Variants in MAP7 observed in about 807,000 individuals in gnomAD.
MAP7 encodes microtubule associated protein 7.
MAP7 carries 52 observed loss-of-function variants against 94.8 expected under a neutral mutation model. The observed-to-expected ratio is 0.55, with a 90% confidence interval of 0.44 to 0.69. MAP7 has a LOEUF of 0.69. Ranked by LOEUF, MAP7 falls within the 30% of genes least tolerant of loss-of-function variation. The probability of loss-of-function intolerance (pLI) is 0.00; values close to 1 mark genes in which losing one functional copy is unlikely to be tolerated. For missense variants in MAP7, 940 were observed against 964.6 expected (o/e 0.97, Z 0.34); for synonymous variants, 350 against 357.0 (o/e 0.98, Z 0.22).
intron 1 of MAP7, among the ~76,000 whole-genome samples, chr6:136,451,069 G>T (rs548637590): frequency 1.3e-5 from 2 of 152,296 alleles, no homozygotes; most frequent in South Asian, 4.1e-4. Context: ...TTGTAAAGGT[G>T]TCTCCATCTC....
chr6:136,523,911 C>A (rs1827122206), intron 1 of MAP7, among the ~76,000 whole-genome samples: 1 of 152,044 alleles, frequency 6.6e-6, no homozygotes, highest in African/African-American at 2.4e-5. Context: ...TAAACAAAAA[C>A]AACAACAGGA....
Position 136,362,569 on chromosome 6 carries a change from A to C in MAP7, c.1407T>G (p.Thr469=). 1.2e-6 allele frequency: 2 copies of C among 1,614,128 alleles called. No homozygotes were observed. Among genetic ancestry groups the C allele is most frequent in the Non-Finnish European group, 1.7e-6 (2 of 1,180,038 alleles). Residue 469 remains threonine (T), a synonymous_variant, in exon 11 of 18, where the codon ACT becomes ACG. Coordinates refer to ENST00000354570, the MANE Select transcript of MAP7 (RefSeq NM_003980.6). Reference sequence around the variant, plus strand: ...CCTCTGGGTCGGTGGTGCCTGCAGAAGTCTTAACAGAAGCACTGGCATTCA... The same window carrying C: ...CCTCTGGGTCGGTGGTGCCTGCAGACGTCTTAACAGAAGCACTGGCATTCA... The part of the protein sequence containing the change: ...STVNASASVK[T]SAGTTDPEEA...
intron 3 of MAP7, among the ~76,000 whole-genome samples, chr6:136,395,709 T>C (rs749857622): frequency 3.9e-5 from 6 of 152,188 alleles, no homozygotes; most frequent in Non-Finnish European, 7.4e-5. Context: ...TAGTCTTTAA[T>C]CCATTTTGAG....
chr6:136,449,102 A>T (rs1467042825), intron 1 of MAP7, among the ~76,000 whole-genome samples: 10 of 151,742 alleles, frequency 6.6e-5, no homozygotes, highest in Non-Finnish European at 1.3e-4. Context: ...AGGTCAGGAG[A>T]TCGAGACCAC....
intron 1 of MAP7, among the ~76,000 whole-genome samples, chr6:136,440,636 C>T (rs189035344): frequency 6.6e-5 from 10 of 152,098 alleles, no homozygotes; most frequent in African/African-American, 2.4e-4. Flanking sequence ...GGAAACTATA[C>T]ATTTTGTATA....
chr6:136,533,831 C>G (rs936717802), intron 1 of MAP7, among the ~76,000 whole-genome samples: 41 of 152,284 alleles, frequency 2.7e-4, no homozygotes, highest in African/African-American at 9.9e-4. Context: ...AGATCGGCTC[C>G]CATGGCCCAG....
intron 1 of MAP7, among the ~76,000 whole-genome samples, chr6:136,540,914 T>G (rs927250913): frequency 6.6e-6 from 1 of 152,212 alleles, no homozygotes. Context: ...GAGCCAATGA[T>G]GTGAATCAAT....
chr6:136,477,851 T>C (rs1029420096), intron 1 of MAP7, among the ~76,000 whole-genome samples: 3 of 152,230 alleles, frequency 2.0e-5, no homozygotes, highest in East Asian at 1.9e-4. Flanking sequence ...GGCTGCAGAA[T>C]ACACATTCTT....
intron 2 of MAP7, among the ~76,000 whole-genome samples, chr6:136,418,213 T>C (rs948293045): frequency 2.8e-4 from 43 of 152,088 alleles, no homozygotes; most frequent in Non-Finnish European, 3.8e-4. Context: ...TGTGGTTTGT[T>C]TGTTTGTTTG....
intron 1 of MAP7, among the ~76,000 whole-genome samples, chr6:136,423,011 G>C (rs971607658): frequency 6.6e-6 from 1 of 152,178 alleles, no homozygotes; most frequent in African/African-American, 2.4e-5. Context: ...AGGTCACATG[G>C]GGTAATAATA....
chr6:136,367,057 A>G (rs922457733), intron 8 of MAP7, among the ~76,000 whole-genome samples: 1 of 152,184 alleles, frequency 6.6e-6, no homozygotes, highest in Non-Finnish European at 1.5e-5. Flanking sequence ...AATTTCAGCT[A>G]TTTATTTTTT....
At chr6:136,407,469 G>A (rs147170308) in intron 3 of MAP7, among the ~76,000 whole-genome samples, 1 of 152,324 alleles carries the variant, frequency 6.6e-6, no homozygotes, top group East Asian at 1.9e-4. Flanking sequence ...GTGATACAGT[G>A]CTAGGAGTAT....
chr6:136,467,123 C>T (rs78526017), intron 1 of MAP7, among the ~76,000 whole-genome samples: 3,694 of 152,232 alleles, frequency 0.024, 157 homozygotes, highest in African/African-American at 0.084. Context: ...AACATCAGCT[C>T]GGTCTCAGGG....
chr6:136,548,712 T>C (rs1431688607), intron 1 of MAP7, among the ~76,000 whole-genome samples: 3 of 152,268 alleles, frequency 2.0e-5, no homozygotes, highest in Non-Finnish European at 2.9e-5. Flanking sequence ...AGTTCACTTA[T>C]GTCTGAACAA....
At chr6:136,459,922 C>T (rs1029169035) in intron 1 of MAP7, among the ~76,000 whole-genome samples, 1 of 152,120 alleles carries the variant, frequency 6.6e-6, no homozygotes, top group Non-Finnish European at 1.5e-5. Flanking sequence ...ATGAACAAAA[C>T]AGAGCTATAG....
In MAP7 at chr6:136,473,888, G is replaced by C. The variant is rs180846366; in HGVS notation, c.68-52089C>G. ...CTGTGTTCCAGGAGCTGTTCTTCAA[G>C]ACGCTTACATCCACTGGATGAAGAC... On this transcript the variant is annotated intron_variant, in intron 1 of 17. Transcript: ENST00000354570. 1.5e-3 allele frequency among the ~76,000 whole-genome samples: 229 copies of C among 152,194 alleles called. 1 individual carries two copies. The highest frequency in any genetic ancestry group is 0.014 in the Middle Eastern group (4 of 294).
rs1339960321 is a variant in MAP7 at position 136,454,279 on chromosome 6, C to CTATCTATT, written c.68-32481_68-32480insAATAGATA. 8.2e-5 allele frequency among the ~76,000 whole-genome samples: 12 copies of CTATCTATT among 145,480 alleles called. No homozygotes were observed. In the East Asian group the frequency reaches 2.7e-3, roughly 33 times the overall value. The stretch of plus-strand genomic sequence containing the variant: ...ACTTAACCCTACCTAAATGATCTAT[C>CTATCTATT]TATCTATCTATCTATCTATCTATCT... On this transcript the variant is annotated intron_variant, in intron 1 of 17. Transcript: ENST00000354570.
intron 2 of MAP7, among the ~76,000 whole-genome samples, chr6:136,418,581 G>T (rs1790271720): frequency 6.6e-6 from 1 of 152,194 alleles, no homozygotes; most frequent in African/African-American, 2.4e-5. Context: ...CTACATCAAA[G>T]AGATGTTCTG....
chr6:136,549,764 C>A (rs1226420761), intron 1 of MAP7, among the ~76,000 whole-genome samples: 1 of 152,264 alleles, frequency 6.6e-6, no homozygotes, highest in Non-Finnish European at 1.5e-5. Context: ...GGCCCCGGCC[C>A]TCCCGAGCTC....
Sources: allele counts gnomAD v4.1 joint callset (sites outside exome capture counted in the v4.1 genomes callset), GRCh38; gene constraint gnomAD v4.1.1; transcripts MANE v1.5; gene names NCBI Gene and HGNC (gene_info 2026-07-23, HGNC 2026-07-21).